The following ARMC2 variants were observed in gnomAD, a reference collection of about 807,000 sequenced individuals.
ARMC2 encodes armadillo repeat-containing protein 2.
ARMC2 carries 67 observed loss-of-function variants against 90.3 expected under a neutral mutation model. The ratio of observed to expected loss-of-function variants is 0.74; its 90% CI spans 0.61 to 0.91. The LOEUF is 0.91. ARMC2 is among the 40% of genes least tolerant of loss of function. ARMC2 has a pLI of 0.00. For missense variants in ARMC2, 920 were observed against 1,030.9 expected (o/e 0.89, Z 1.47); for synonymous variants, 393 against 393.0 (o/e 1.00, Z 0.00).
chr6:108,898,457 G>A (rs952458951), intron 6 of ARMC2, among the ~76,000 whole-genome samples: 1 of 152,184 alleles, frequency 6.6e-6, no homozygotes, highest in Non-Finnish European at 1.5e-5. Context: ...CCGGATAAAG[G>A]ACTTAAGGGG....
intron 12 of ARMC2, among the ~76,000 whole-genome samples, chr6:108,939,612 G>T (rs1490762921): frequency 1.3e-5 from 2 of 152,130 alleles, no homozygotes; most frequent in African/African-American, 2.4e-5. Flanking sequence ...TACAGCCTAC[G>T]GAACCATGAG....
At chr6:108,977,619 G>A (rs980940090), downstream of ARMC2, among the ~76,000 whole-genome samples, 30 of 152,092 alleles carry the variant, frequency 2.0e-4, no homozygotes, top group Admixed American at 1.5e-3. Flanking sequence ...CTGTGAATCT[G>A]TCTGGTCCTG....
the ARMC2 span, among the ~76,000 whole-genome samples, chr6:108,992,532 T>C: frequency 6.6e-6 from 1 of 152,142 alleles, no homozygotes; most frequent in Non-Finnish European, 1.5e-5. Context: ...ACGCTGGGAG[T>C]ATCAACTCAT....
At chr6:108,997,067 G>A in the ARMC2 span, among the ~76,000 whole-genome samples, 1 of 152,084 alleles carries the variant, frequency 6.6e-6, no homozygotes, top group African/African-American at 2.4e-5. Context: ...GTTACCATTT[G>A]TATCTGAAGA....
At chr6:108,867,086 C>T (rs1775894192) in intron 3 of ARMC2, among the ~76,000 whole-genome samples, 1 of 152,132 alleles carries the variant, frequency 6.6e-6, no homozygotes, top group Admixed American at 6.5e-5. Context: ...GATAGTGACT[C>T]ACTCATTCAC....
At chr6:108,987,496 A>C in the ARMC2 span, 1 of 1,054,202 alleles carries the variant, frequency 9.5e-7, no homozygotes, top group Non-Finnish European at 1.5e-6. Flanking sequence ...CCCCTTGTAG[A>C]CTATATCTGC....
chr6:108,938,759 AT>A (rs1177300202), intron 12 of ARMC2, among the ~76,000 whole-genome samples: 1 of 151,936 alleles, frequency 6.6e-6, no homozygotes, highest in Non-Finnish European at 1.5e-5. Flanking sequence ...ATAATCTATA[AT>A]TTTTTTAAGG....
chr6:108,869,531 G>A (rs1026146260), intron 4 of ARMC2, among the ~76,000 whole-genome samples: 4 of 151,980 alleles, frequency 2.6e-5, no homozygotes, highest in Non-Finnish European at 5.9e-5. Context: ...AAGAATATTA[G>A]GATAAGTATT....
At chr6:108,850,062 C>T (rs946597463) in intron 1 of ARMC2, among the ~76,000 whole-genome samples, 4 of 152,214 alleles carry the variant, frequency 2.6e-5, no homozygotes, top group Admixed American at 2.6e-4. Flanking sequence ...CAAGAAGGCT[C>T]TGGTTCCAGT....
the ARMC2 span, among the ~76,000 whole-genome samples, chr6:108,985,277 C>G: frequency 6.6e-6 from 1 of 152,018 alleles, no homozygotes; most frequent in Non-Finnish European, 1.5e-5. Context: ...TTCCCAAATA[C>G]GGCCAAAACA....
At chr6:108,956,269 A>C (rs916804835) in intron 13 of ARMC2, among the ~76,000 whole-genome samples, 3 of 152,232 alleles carry the variant, frequency 2.0e-5, no homozygotes, top group Admixed American at 2.0e-4. Flanking sequence ...ACAGTTGTTA[A>C]TATTCACATA....
At chr6:108,907,904 G>GT (rs1427696154) in intron 8 of ARMC2, 46 of 1,579,708 alleles carry the variant, frequency 2.9e-5, no homozygotes, top group Non-Finnish European at 3.9e-5. Flanking sequence ...GTGTTCTTCT[G>GT]TTTTCTTAAG....
At chr6:108,988,308 C>G in the ARMC2 span, 1 of 372,826 alleles carries the variant, frequency 2.7e-6, no homozygotes, top group South Asian at 7.1e-5. Flanking sequence ...GTGCTGACAG[C>G]CATGCCAGCA....
intron 12 of ARMC2, among the ~76,000 whole-genome samples, chr6:108,948,490 G>A (rs556626438): frequency 6.6e-6 from 1 of 151,476 alleles, no homozygotes; most frequent in African/African-American, 2.4e-5. Flanking sequence ...GACAAAAACA[G>A]TAAGCAGAGA....
intron 11 of ARMC2, among the ~76,000 whole-genome samples, chr6:108,935,904 T>C (rs2806352): frequency 0.27 from 40,391 of 152,122 alleles, 5,790 homozygotes; most frequent in East Asian, 0.4. Context: ...TTAATTGCAC[T>C]TTGACCAGAG....
chr6:108,894,532 A>C lies in ARMC2; in HGVS notation c.737A>C (p.Gln246Pro). ...AGTAGCTCAGACCTGAGCAGGCTGC[A>C]AACCAAAGCAGGTGAGGGGTCCCCA... Reference protein sequence around the residue: ...CPSSSDLSRLQTKAVPKADLQ... With the variant: ...CPSSSDLSRLPTKAVPKADLQ... Residue 246 changes from glutamine (Q) to proline (P), a missense_variant, in exon 6 of 18, where the codon CAA (glutamine) becomes CCA (proline). By Grantham distance (76) the Gln-to-Pro change is moderately conservative. Transcript: ENST00000392644. 6.2e-7 allele frequency: 1 copy of C among 1,604,582 alleles called. No homozygotes were observed. Among genetic ancestry groups the C allele is most frequent in the Non-Finnish European group, 8.5e-7 (1 of 1,176,148 alleles).
intron 5 of ARMC2, among the ~76,000 whole-genome samples, chr6:108,886,934 T>C (rs2128449470): frequency 6.6e-6 from 1 of 151,444 alleles, no homozygotes; most frequent in East Asian, 2.0e-4. Context: ...AGAGCCTCAC[T>C]CTGTTGCCCA....
At chr6:108,934,670 T>G (rs1775819146) in intron 11 of ARMC2, among the ~76,000 whole-genome samples, 1 of 152,204 alleles carries the variant, frequency 6.6e-6, no homozygotes, top group Non-Finnish European at 1.5e-5. Context: ...GACTACTGAT[T>G]CAATTTCTTC....
intron 5 of ARMC2, among the ~76,000 whole-genome samples, chr6:108,885,681 A>G (rs1426013345): frequency 6.7e-6 from 1 of 149,814 alleles, no homozygotes; most frequent in Non-Finnish European, 1.5e-5. Flanking sequence ...CGCAAAAAAA[A>G]AAAGAAAAGA....
Sources: gnomAD v4.1 joint callset for allele counts (sites outside exome capture counted in the v4.1 genomes callset) on GRCh38, gnomAD v4.1.1 for gene constraint, MANE v1.5 for transcripts, NCBI Gene and HGNC (gene_info 2026-07-23, HGNC 2026-07-21) for gene names.